Variants in TPST1 observed in about 807,000 individuals in gnomAD.
The protein encoded by TPST1 is tyrosylprotein sulfotransferase 1, also known as protein-tyrosine sulfotransferase 1.
A neutral mutation model predicts 34.8 loss-of-function variants in TPST1; 20 were observed. The ratio of observed to expected loss-of-function variants is 0.57; its 90% confidence interval spans 0.40 to 0.84. The LOEUF is 0.84. TPST1 is among the 40% of genes least tolerant of loss of function. The pLI is 0.00. For synonymous variants in TPST1, 152 were observed against 159.4 expected, an observed-to-expected ratio of 0.95 and a Z score of 0.35; for missense variants, 353 against 455.5, an observed-to-expected ratio of 0.78 and a Z score of 2.05.
chr7:66,284,086 G>A (rs1790984117), intron 2 of TPST1, among the ~76,000 whole-genome samples: 1 of 152,324 alleles, frequency 6.6e-6, no homozygotes, highest in East Asian at 1.9e-4. Flanking sequence ...TGCATTTGCT[G>A]CTAGCGGCTC....
chr7:66,300,159 G>A (rs1379776143), intron 3 of TPST1, among the ~76,000 whole-genome samples: 1 of 152,180 alleles, frequency 6.6e-6, no homozygotes, highest in East Asian at 1.9e-4. Flanking sequence ...ATGACTGCTA[G>A]ACCATTCAGG....
intron 3 of TPST1, among the ~76,000 whole-genome samples, chr7:66,337,963 G>A (rs911959257): frequency 6.6e-6 from 1 of 152,056 alleles, no homozygotes; most frequent in African/African-American, 2.4e-5. Context: ...CAAAAACAAG[G>A]AACAGTATGG....
rs1368672233 is a variant in TPST1 at position 66,218,957 on chromosome 7, A to G, written c.-102+13435A>G. Among the ~76,000 whole-genome samples the G allele has an allele frequency of 2.0e-5, 3 of 151,752 alleles. No homozygotes were observed. The East Asian group carries it at 5.8e-4, about 29-fold the overall frequency. ...GTGCAGTGGCGCAATCTCAGCTCACAGCAACCTCTGCCTCCCCGGTTTAAG... is the reference window on the plus strand; with the variant it reads ...GTGCAGTGGCGCAATCTCAGCTCACGGCAACCTCTGCCTCCCCGGTTTAAG... On this transcript the variant is annotated intron_variant, in intron 1 of 5. Transcript: ENST00000304842.
intron 2 of TPST1, among the ~76,000 whole-genome samples, chr7:66,271,594 A>G (rs1790706397): frequency 6.6e-6 from 1 of 152,074 alleles, no homozygotes; most frequent in Non-Finnish European, 1.5e-5. Flanking sequence ...ACTTTTTTAG[A>G]TTCTGCATAT....
At chr7:66,324,813 A>C (rs11768530) in intron 3 of TPST1, among the ~76,000 whole-genome samples, 66 of 72,698 alleles carry the variant, frequency 9.1e-4, no homozygotes, top group Non-Finnish European at 1.1e-3. Flanking sequence ...AAAAAAAAAA[A>C]AAAAAAAAAA....
chr7:66,255,942 A>G (rs1790374952), intron 2 of TPST1, among the ~76,000 whole-genome samples: 1 of 152,144 alleles, frequency 6.6e-6, no homozygotes, highest in Non-Finnish European at 1.5e-5. Context: ...ATCATTGATG[A>G]ATCATTGCCC....
chr7:66,230,797 C>T (rs1314683605), intron 1 of TPST1, among the ~76,000 whole-genome samples: 1 of 152,134 alleles, frequency 6.6e-6, no homozygotes, highest in African/African-American at 2.4e-5. Context: ...CCGGCCCCAC[C>T]CACATCCTGC....
chr7:66,213,159 T>C (rs1480859069), intron 1 of TPST1, among the ~76,000 whole-genome samples: 4 of 152,186 alleles, frequency 2.6e-5, no homozygotes, highest in African/African-American at 4.8e-5. Flanking sequence ...CCACTCTCTG[T>C]CTCCTTTCAT....
intron 4 of TPST1, among the ~76,000 whole-genome samples, chr7:66,353,914 G>C (rs1388998753): frequency 6.6e-6 from 1 of 152,230 alleles, no homozygotes; most frequent in Non-Finnish European, 1.5e-5. Context: ...CACCAGAGTT[G>C]AAGCCTCTTC....
intron 2 of TPST1, among the ~76,000 whole-genome samples, chr7:66,284,404 A>G (rs1790990680): frequency 6.6e-6 from 1 of 152,162 alleles, no homozygotes; most frequent in Admixed American, 6.5e-5. Flanking sequence ...CAAAGCAACA[A>G]TATCAAAAAC....
At chr7:66,294,502 A>G (rs1032699069) in intron 3 of TPST1, among the ~76,000 whole-genome samples, 4 of 152,010 alleles carry the variant, frequency 2.6e-5, no homozygotes, top group African/African-American at 9.7e-5. Flanking sequence ...TTTTCAATTC[A>G]TTATTAGCAG....
chr7:66,282,568 G>C (rs897763727), intron 2 of TPST1, among the ~76,000 whole-genome samples: 1 of 152,134 alleles, frequency 6.6e-6, no homozygotes, highest in Admixed American at 6.5e-5. Flanking sequence ...GTTTTTCTTA[G>C]ATTACAAAAC....
chr7:66,228,086 T>C (rs1789702620), intron 1 of TPST1, among the ~76,000 whole-genome samples: 1 of 152,210 alleles, frequency 6.6e-6, no homozygotes, highest in African/African-American at 2.4e-5. Context: ...AGTTTTTGTA[T>C]GTATTTTGCT....
intron 3 of TPST1, among the ~76,000 whole-genome samples, chr7:66,322,572 T>A (rs1396511806): frequency 6.6e-6 from 1 of 152,230 alleles, no homozygotes; most frequent in Non-Finnish European, 1.5e-5. Flanking sequence ...GGACTTCCTT[T>A]TTAAGGCTGC....
At chr7:66,329,809 C>A (rs6958294) in intron 3 of TPST1, among the ~76,000 whole-genome samples, 101,242 of 151,974 alleles carry the variant, frequency 0.67, 34,111 homozygotes, top group African/African-American at 0.76. Flanking sequence ...GTTTGGATGG[C>A]GCTTGAGGCC....
At chr7:66,345,909 T>C (rs1407070038) in intron 3 of TPST1, among the ~76,000 whole-genome samples, 2 of 152,148 alleles carry the variant, frequency 1.3e-5, no homozygotes, top group Admixed American at 6.6e-5. Context: ...TATCAAATAC[T>C]AGATTTTATT....
chr7:66,199,495 A>C, the TPST1 span, among the ~76,000 whole-genome samples: 1 of 151,702 alleles, frequency 6.6e-6, no homozygotes, highest in African/African-American at 2.4e-5. Flanking sequence ...GGGTTTCACC[A>C]TGTTGGCCAG....
At chr7:66,357,021 T>C in intron 5 of TPST1, 150 bp downstream of exon 5, 1 of 667,346 alleles carries the variant, frequency 1.5e-6, no homozygotes, top group Non-Finnish European at 2.6e-6. Flanking sequence ...AGCAAGCACA[T>C]TACTTCACCT....
At chr7:66,221,820 C>T (rs1789549428) in intron 1 of TPST1, among the ~76,000 whole-genome samples, 1 of 152,158 alleles carries the variant, frequency 6.6e-6, no homozygotes, top group African/African-American at 2.4e-5. Context: ...ATCTGTAGGA[C>T]TCTTTCTTTC....
Sources: gnomAD v4.1 joint callset for allele counts (sites outside exome capture counted in the v4.1 genomes callset) on GRCh38, gnomAD v4.1.1 for gene constraint, MANE v1.5 for transcripts, NCBI Gene and HGNC (gene_info 2026-07-23, HGNC 2026-07-21) for gene names.